The following UNC5A variants were observed in gnomAD, a reference collection of about 807,000 sequenced individuals.
UNC5A encodes the protein unc-5 netrin receptor A.
Under a neutral mutation model 87.4 loss-of-function variants are expected in UNC5A, and 20 were observed. The observed-to-expected ratio is 0.23, with a 90% CI of 0.16 to 0.33. The LOEUF is 0.33. Among genes scored for constraint, UNC5A ranks in the 10% least tolerant of loss-of-function variants. The pLI, the probability that UNC5A is intolerant of heterozygous loss-of-function variation, is 1.00. For synonymous variants in UNC5A, 438 were observed against 482.3 expected, an observed-to-expected ratio of 0.91 and a Z score of 1.20; for missense variants, 844 against 1,133.4, an observed-to-expected ratio of 0.74 and a Z score of 3.67.
chr5:176,875,135 T>C lies in UNC5A; in HGVS notation c.1378+569T>C, dbSNP rs2149369695. Among the ~76,000 whole-genome samples, 1 of 152,276 alleles carries C rather than the reference T, an allele frequency of 6.6e-6. No individual in the cohort carries two copies. Among genetic ancestry groups the C allele is most frequent in the South Asian group, 2.1e-4 (1 of 4,820 alleles). ...CCTCTCCAGCTGCCTGTTCCATAAA[T>C]GTAGGTGTGCCTCCGAGCTCCCTCC... On this transcript the variant is annotated intron_variant, in intron 8 of 14. Transcript: ENST00000329542. This position sits in a 1 kb window ranked among gnomAD's most constrained non-coding sequence, Gnocchi z 5.2.
At position 176,869,554 on chromosome 5, in the gene UNC5A, G is replaced by A. The variant is rs904810423; in HGVS notation, c.721+590G>A. 1 of 669,430 alleles carries A rather than the reference G, an allele frequency of 1.5e-6. No homozygotes were observed. The highest frequency in any genetic ancestry group is 2.7e-6 in the Non-Finnish European group (1 of 365,814). 41.5% of individuals were successfully genotyped at this position (669,430 alleles called of 1,614,324 possible). A position where few individuals can be genotyped will look rare whatever the true frequency, so the allele number is the denominator to read the frequency against. On this transcript the variant is annotated intron_variant, in intron 5 of 14. Coordinates refer to ENST00000329542, the MANE Select transcript of UNC5A (RefSeq NM_133369.3). This position sits in a 1 kb window ranked among gnomAD's most constrained non-coding sequence, Gnocchi z 9.1. ...CCTCTGCCCTCACGCCCCGTCCCCT[G>A]GGCCAGTGTATCTGAGGACGCCCCC...
chr5:176,846,802 C>T (rs1285354752), intron 1 of UNC5A, among the ~76,000 whole-genome samples: 1 of 152,190 alleles, frequency 6.6e-6, no homozygotes, highest in Non-Finnish European at 1.5e-5. Flanking sequence ...CAGCCACAGT[C>T]CTGGCGCCGA....
intron 1 of UNC5A, among the ~76,000 whole-genome samples, chr5:176,811,522 A>G (rs1383536734): frequency 1.3e-5 from 2 of 152,106 alleles, no homozygotes; most frequent in African/African-American, 4.8e-5. Context: ...CTTAAACTCC[A>G]TAGCCTTTCT....
At chr5:176,813,819 C>T (rs1329960322) in intron 1 of UNC5A, among the ~76,000 whole-genome samples, 1 of 152,218 alleles carries the variant, frequency 6.6e-6, no homozygotes, top group Non-Finnish European at 1.5e-5. Context: ...CTGCCCTGAG[C>T]TTGGGGTGGG....
rs2149364905 is a variant in UNC5A at position 176,864,643 on chromosome 5, C to T, written c.292+1798C>T. ...TCACACACCACCCCTCCGTGAGGGTCAGCAGGGACTGCCTCCCTCCCCCAA... is the reference window on the plus strand; with the variant it reads ...TCACACACCACCCCTCCGTGAGGGTTAGCAGGGACTGCCTCCCTCCCCCAA... On this transcript the variant is annotated intron_variant, in intron 2 of 14. Transcript: ENST00000329542. 1.3e-5 allele frequency among the ~76,000 whole-genome samples: 2 copies of T among 152,360 alleles called. 1 individual carries two copies. Among genetic ancestry groups the T allele is most frequent in the Middle Eastern group, 6.8e-3 (2 of 294 alleles).
At chr5:176,815,385 C>A (rs1442835772) in intron 1 of UNC5A, among the ~76,000 whole-genome samples, 1 of 152,236 alleles carries the variant, frequency 6.6e-6, no homozygotes, top group Non-Finnish European at 1.5e-5. Flanking sequence ...TGGGGAGTCT[C>A]ACCCCGTATT....
At chr5:176,852,030 G>A (rs1373590319) in intron 1 of UNC5A, among the ~76,000 whole-genome samples, 1 of 152,178 alleles carries the variant, frequency 6.6e-6, no homozygotes, top group African/African-American at 2.4e-5. Context: ...CTACCCACCT[G>A]CCTGCCTCTG....
At position 176,865,524 on chromosome 5, in the gene UNC5A, C is replaced by A; in HGVS notation, c.293-2606C>A. Reference sequence around the variant, plus strand: ...CCGTAACCGCCAGGGTCCTCTTCTGCCCCGAGCATCCGACTCCAGCCTCCC... The same window carrying A: ...CCGTAACCGCCAGGGTCCTCTTCTGACCCGAGCATCCGACTCCAGCCTCCC... On this transcript the variant is annotated intron_variant, in intron 2 of 14. Transcript: ENST00000329542. This position sits in a 1 kb window ranked among gnomAD's most constrained non-coding sequence, Gnocchi z 5.3. 2.2e-6 allele frequency: 1 copy of A among 453,138 alleles called. No homozygotes were observed. The highest frequency in any genetic ancestry group is 4.5e-6 in the Non-Finnish European group (1 of 224,474). The allele number at this position is 453,138 out of a possible 1,614,324, so 28.1% of individuals were successfully genotyped here.
chr5:176,849,451 G>A lies in UNC5A; in HGVS notation c.71-13173G>A, dbSNP rs200967301. On this transcript the variant is annotated intron_variant, in intron 1 of 14. Coordinates refer to ENST00000329542, the MANE Select transcript of UNC5A (RefSeq NM_133369.3). ...AATACAAAAATTACCTGGGTGTTGT[G>A]GCATGCACCCATAATCCCAGCTACT... Among the ~76,000 whole-genome samples the A allele has an allele frequency of 3.9e-5, 6 of 152,288 alleles. No homozygotes were observed. In the East Asian group the frequency reaches 1.2e-3, roughly 29 times the overall value.
At chr5:176,855,552 G>C (rs534658068) in intron 1 of UNC5A, among the ~76,000 whole-genome samples, 3 of 152,358 alleles carry the variant, frequency 2.0e-5, no homozygotes, top group Middle Eastern at 3.4e-3. Context: ...AAGTGAGAGG[G>C]AGGCAGAAAC....
At chr5:176,812,726 C>T (rs1184911737) in intron 1 of UNC5A, among the ~76,000 whole-genome samples, 1 of 152,166 alleles carries the variant, frequency 6.6e-6, no homozygotes, top group Admixed American at 6.5e-5. Context: ...ACAGGTGCTG[C>T]AGGGGCTGAC....
chr5:176,847,918 G>A (rs745396012), intron 1 of UNC5A, among the ~76,000 whole-genome samples: 3 of 149,336 alleles, frequency 2.0e-5, no homozygotes, highest in South Asian at 2.2e-4. Context: ...TGGAAGCAGC[G>A]CCTGCGTTTC....
At chr5:176,847,709 C>T in intron 1 of UNC5A, among the ~76,000 whole-genome samples, 1 of 152,148 alleles carries the variant, frequency 6.6e-6, no homozygotes, top group Admixed American at 6.5e-5. Context: ...TCGGGGGGGC[C>T]CACAGTATAT....
At chr5:176,831,881 CTCTCTTTTT>C (rs1757033467) in intron 1 of UNC5A, among the ~76,000 whole-genome samples, 1 of 31,242 alleles carries the variant, frequency 3.2e-5, no homozygotes, top group African/African-American at 4.7e-5. Flanking sequence ...CACTTTCTCT[CTCTCTTTTT>C]TTTTTTTTTT....
chr5:176,853,741 G>A (rs967267059), intron 1 of UNC5A, among the ~76,000 whole-genome samples: 2 of 151,974 alleles, frequency 1.3e-5, no homozygotes, highest in African/African-American at 4.8e-5. Context: ...CCCCACCTTC[G>A]TGCATTCACC....
chr5:176,816,617 C>T (rs921420167), intron 1 of UNC5A, among the ~76,000 whole-genome samples: 26 of 152,260 alleles, frequency 1.7e-4, no homozygotes, highest in Admixed American at 6.5e-5. Flanking sequence ...CAAGAGTGCA[C>T]GCCTCCTGGC....
chr5:176,836,524 A>G (rs1191342626), intron 1 of UNC5A, among the ~76,000 whole-genome samples: 1 of 152,160 alleles, frequency 6.6e-6, no homozygotes, highest in Admixed American at 6.5e-5. Context: ...TGTAAAGTTC[A>G]GTGCCACCGT....
In UNC5A at chr5:176,869,658, G is replaced by A. The variant is rs973346494; in HGVS notation, c.721+694G>A. 6 of 699,564 alleles carry A rather than the reference G, an allele frequency of 8.6e-6. No homozygotes were observed. The highest frequency in any genetic ancestry group is 2.7e-5 in the East Asian group (1 of 37,188). 43.3% of individuals were successfully genotyped at this position (699,564 alleles called of 1,614,324 possible). A position where few individuals can be genotyped will look rare whatever the true frequency, so the allele number is the denominator to read the frequency against. The stretch of plus-strand genomic sequence containing the variant: ...GTGGACCGAGTGGTCCGTCTGCAGC[G>A]CCAGCTGTGGGCGCGGCTGGCAGAA... On this transcript the variant is annotated intron_variant, in intron 5 of 14. Coordinates refer to ENST00000329542, the MANE Select transcript of UNC5A (RefSeq NM_133369.3). This position sits in a 1 kb window ranked among gnomAD's most constrained non-coding sequence, Gnocchi z 9.1.
At chr5:176,833,906 A>G (rs1003203642) in intron 1 of UNC5A, among the ~76,000 whole-genome samples, 2 of 151,918 alleles carry the variant, frequency 1.3e-5, no homozygotes, top group Admixed American at 6.6e-5. Flanking sequence ...GGGTTTCACC[A>G]TGTTAGCCAG....
Sources: allele counts gnomAD v4.1 joint callset (sites outside exome capture counted in the v4.1 genomes callset), GRCh38; gene constraint gnomAD v4.1.1; non-coding constraint Gnocchi (gnomAD v3.1); transcripts MANE v1.5; gene names NCBI Gene and HGNC (gene_info 2026-07-23, HGNC 2026-07-21).